The following PIEZO2 variants were observed in gnomAD, a reference collection of about 807,000 sequenced individuals.
The protein encoded by PIEZO2 is piezo-type mechanosensitive ion channel component 2.
A neutral mutation model predicts 337.3 loss-of-function variants in PIEZO2; 172 were observed. The observed-to-expected ratio is 0.51, with a 90% confidence interval of 0.45 to 0.58. PIEZO2 has a LOEUF of 0.58. Among genes scored for constraint, PIEZO2 ranks in the 20% least tolerant of loss-of-function variants. PIEZO2 has a pLI of 0.00. For synonymous variants in PIEZO2, 1,251 were observed against 1,228.5 expected (o/e 1.02, Z -0.38); for missense variants, 3,028 against 3,391.3 (o/e 0.89, Z 2.66).
At position 10,855,200 on chromosome 18, in the gene PIEZO2, C is replaced by T. The variant is rs2041669319; in HGVS notation, c.917+153G>A. On this transcript the variant is annotated intron_variant, in intron 7 of 55. Coordinates refer to ENST00000674853, the MANE Select transcript of PIEZO2 (RefSeq NM_001378183.1). This position sits in a 1 kb window ranked among gnomAD's most constrained non-coding sequence, Gnocchi z 4.9. ...TGTGTCATCCAATACAATGAAAGTG[C>T]TAGACTGCTTCACCCACCCCCACAA... Among the ~76,000 whole-genome samples the T allele has an allele frequency of 6.6e-6, 1 of 152,154 alleles. No individual in the cohort carries two copies. Among genetic ancestry groups the T allele is most frequent in the Non-Finnish European group, 1.5e-5 (1 of 68,036 alleles).
intron 23 of PIEZO2, 65 bp downstream of exon 23, chr18:10,762,435 G>A: frequency 6.7e-7 from 1 of 1,499,288 alleles, no homozygotes; most frequent in South Asian, 1.3e-5. Flanking sequence ...GCGTCTCATG[G>A]AAAAGAATCC....
chr18:11,045,749 TA>T (rs1335645128), intron 2 of PIEZO2, among the ~76,000 whole-genome samples: 3 of 152,226 alleles, frequency 2.0e-5, no homozygotes, highest in Admixed American at 6.5e-5. Context: ...AATTCACACA[TA>T]CAGAATCTGT....
intron 7 of PIEZO2, among the ~76,000 whole-genome samples, chr18:10,839,535 C>T (rs772084522): frequency 4.6e-5 from 7 of 152,080 alleles, no homozygotes; most frequent in African/African-American, 1.7e-4. Flanking sequence ...GCTTTTCCTC[C>T]CATAGAATTA....
At chr18:10,908,858 C>G (rs2030197703) in intron 4 of PIEZO2, 1 of 152,188 alleles carries the variant, frequency 6.6e-6, no homozygotes, top group Admixed American at 6.6e-5. Flanking sequence ...AAACCTGGAA[C>G]TGTGCGGGAT....
rs28712767 is a variant in PIEZO2, at chr18:10,715,853, A to T, written c.5090-37T>A. The T allele has an allele frequency of 3.6e-5, 52 of 1,445,912 alleles. 1 individual carries two copies. The highest frequency in any genetic ancestry group is 4.7e-5 in the Non-Finnish European group (51 of 1,080,554). The allele number at this position is 1,445,912 out of a possible 1,614,324, so 89.6% of individuals were successfully genotyped here. A position where few individuals can be genotyped will look rare whatever the true frequency, so the allele number is the denominator to read the frequency against. Reference sequence around the variant, plus strand: ...AAAGGCAACAAGATGTTAAAGGAACAAAATACCATTGATTTTACTTTTGTG... The same window carrying T: ...AAAGGCAACAAGATGTTAAAGGAACTAAATACCATTGATTTTACTTTTGTG... On this transcript the variant is annotated intron_variant, in intron 37 of 55. Coordinates refer to ENST00000674853, the MANE Select transcript of PIEZO2 (RefSeq NM_001378183.1).
Position 10,903,315 on chromosome 18 carries a change from C to T in PIEZO2, c.329+7871G>A, listed in dbSNP as rs2043095410. Among the ~76,000 whole-genome samples the T allele has an allele frequency of 6.6e-6, 1 of 152,122 alleles. No individual in the cohort carries two copies. Among genetic ancestry groups the T allele is most frequent in the African/African-American group, 2.4e-5 (1 of 41,408 alleles). Reference sequence around the variant, plus strand: ...GCTGCTCGAGTGACATTTCTAGAAGCACATCTAAGCTTACCTTCTCTGGGG... The same window carrying T: ...GCTGCTCGAGTGACATTTCTAGAAGTACATCTAAGCTTACCTTCTCTGGGG... On this transcript the variant is annotated intron_variant, in intron 4 of 55. Transcript: ENST00000674853. The surrounding 1 kb of genome is among the most constrained non-coding windows in gnomAD (Gnocchi z 4.1).
Position 10,959,980 on chromosome 18 carries a change from G to T in PIEZO2, c.286+19555C>A, listed in dbSNP as rs77001773. On this transcript the variant is annotated intron_variant, in intron 3 of 55. Coordinates refer to ENST00000674853, the MANE Select transcript of PIEZO2 (RefSeq NM_001378183.1). ...TAAAACAGCTATATTCCTACTGTCA[G>T]GGAACCTTAAATTTATTTTATATAT... Among the ~76,000 whole-genome samples the T allele has an allele frequency of 9.4e-3, 1,437 of 152,104 alleles. 21 individuals are homozygous for T. The highest frequency in any genetic ancestry group is 0.033 in the African/African-American group (1,354 of 41,508).
At chr18:11,119,356 T>G (rs1185857121) in intron 1 of PIEZO2, among the ~76,000 whole-genome samples, 1 of 152,174 alleles carries the variant, frequency 6.6e-6, no homozygotes, top group Non-Finnish European at 1.5e-5. Flanking sequence ...GCCAGGATGG[T>G]CTTGATCTCT....
In PIEZO2 at chr18:11,129,623, C is replaced by A. The variant is rs144920694; in HGVS notation, c.64+18902G>T. Among the ~76,000 whole-genome samples the A allele has an allele frequency of 3.0e-3, 461 of 152,316 alleles. 4 individuals are homozygous for A. Among genetic ancestry groups the A allele is most frequent in the African/African-American group, 0.011 (444 of 41,582 alleles). On this transcript the variant is annotated intron_variant, in intron 1 of 55. Coordinates refer to ENST00000674853, the MANE Select transcript of PIEZO2 (RefSeq NM_001378183.1). The surrounding 1 kb of genome is among the most constrained non-coding windows in gnomAD (Gnocchi z 4.6). The stretch of plus-strand genomic sequence containing the variant: ...TTGAATGAAGGGGAGGCTGAGTCCC[C>A]TTGAGGAAGAACCCCACTACATTAC...
At chr18:10,867,795 T>C (rs766028250) in intron 5 of PIEZO2, among the ~76,000 whole-genome samples, 2 of 152,266 alleles carry the variant, frequency 1.3e-5, no homozygotes, top group Non-Finnish European at 2.9e-5. Context: ...TTAATCTTCA[T>C]AATACAACTC....
At chr18:10,944,058 T>C (rs922736312) in intron 3 of PIEZO2, among the ~76,000 whole-genome samples, 2 of 152,176 alleles carry the variant, frequency 1.3e-5, no homozygotes, top group Non-Finnish European at 2.9e-5. Context: ...TTGTAAATTG[T>C]CTAGTCTCAG....
At chr18:10,871,141 G>T in intron 5 of PIEZO2, 112 bp downstream of exon 5, 1 of 1,136,092 alleles carries the variant, frequency 8.8e-7, no homozygotes, top group Non-Finnish European at 1.2e-6. Flanking sequence ...GTCAAGCACT[G>T]TGAATCATAA....
intron 27 of PIEZO2, among the ~76,000 whole-genome samples, chr18:10,755,697 A>G (rs2037809409): frequency 6.6e-6 from 1 of 152,172 alleles, no homozygotes; most frequent in African/African-American, 2.4e-5. Context: ...GAGGACAGAA[A>G]AGCTGCTAGG....
chr18:10,720,198 A>T (rs908090799), intron 36 of PIEZO2, among the ~76,000 whole-genome samples: 15 of 136,464 alleles, frequency 1.1e-4, no homozygotes, highest in African/African-American at 1.7e-4. Context: ...TAGAGAGAGG[A>T]TATATATATG....
intron 4 of PIEZO2, chr18:10,890,748 G>T (rs1336113315): frequency 6.6e-6 from 1 of 151,570 alleles, no homozygotes; most frequent in African/African-American, 2.4e-5. Context: ...TGAGATCTGG[G>T]TGGTGACACA....
At chr18:11,106,418 C>CTTTTT (rs539595699) in intron 1 of PIEZO2, among the ~76,000 whole-genome samples, 3 of 129,596 alleles carry the variant, frequency 2.3e-5, no homozygotes, top group African/African-American at 9.4e-5. Context: ...TTTCCTCTCT[C>CTTTTT]TTTTTTTTTT....
chr18:10,933,815 C>G (rs2032224086), intron 3 of PIEZO2, among the ~76,000 whole-genome samples: 1 of 152,194 alleles, frequency 6.6e-6, no homozygotes, highest in Admixed American at 6.5e-5. Context: ...TTCTCCCAAA[C>G]TGTTCTCATG....
chr18:10,797,662 C>A (rs1045986669), intron 11 of PIEZO2, 140 bp from the exon 12 acceptor site: 2 of 1,354,222 alleles, frequency 1.5e-6, no homozygotes, highest in African/African-American at 1.5e-5. Flanking sequence ...TTCATAAAGC[C>A]CTTAAAATTC....
rs1433708173 is a variant in PIEZO2 at position 11,146,161 on chromosome 18, C to A, written c.64+2364G>T. 6.6e-6 allele frequency among the ~76,000 whole-genome samples: 1 copy of A among 152,152 alleles called. No individual in the cohort carries two copies. Among genetic ancestry groups the A allele is most frequent in the Non-Finnish European group, 1.5e-5 (1 of 68,012 alleles). ...AGGTGTGGGAGTCCTGAAGAATGAG[C>A]TGGATAAAGAAGGCAGCCCCAGGAT... On this transcript the variant is annotated intron_variant, in intron 1 of 55. Transcript: ENST00000674853. The surrounding 1 kb of genome is among the most constrained non-coding windows in gnomAD (Gnocchi z 6.1).
Sources: allele counts gnomAD v4.1 joint callset (sites outside exome capture counted in the v4.1 genomes callset), GRCh38; gene constraint gnomAD v4.1.1; non-coding constraint Gnocchi (gnomAD v3.1); transcripts MANE v1.5; gene names NCBI Gene and HGNC (gene_info 2026-07-23, HGNC 2026-07-21).